MTERF3: variants seen among roughly 807,000 people sequenced by gnomAD.
MTERF3 encodes the protein mitochondrial transcription termination factor 3.
MTERF3 carries 40 observed loss-of-function variants against 40.5 expected under a neutral mutation model. That is an observed-to-expected ratio of 0.99 (90% CI 0.77 to 1.29). The LOEUF (loss-of-function observed/expected upper bound fraction) is 1.29, where lower values mean the gene tolerates loss of function less well. MTERF3 is among the 50% of genes most tolerant of loss of function. The pLI is 0.00. For synonymous variants in MTERF3, 158 were observed against 166.6 expected (o/e 0.95, Z 0.40); for missense variants, 452 against 478.2 (o/e 0.95, Z 0.51).
At position 96,244,037 on chromosome 8, in the gene MTERF3, T is replaced by A. The variant is rs770500814; in HGVS notation, c.941A>T (p.His314Leu). 2 of 1,613,846 alleles carry A rather than the reference T, an allele frequency of 1.2e-6. No individual in the cohort carries two copies. Among genetic ancestry groups the A allele is most frequent in the Non-Finnish European group, 1.7e-6 (2 of 1,179,718 alleles). ...CATCTTTGGGATTCTGGTGATCATA[T>A]GTTGAATTTCGTTATGTTTAAAACC... ...ELGFKHNEIQ[H>L]MITRIPKMLT... The change falls in exon 7 of 8, where the codon CAT becomes CTT. Residue 314 changes from histidine to leucine, a missense_variant. Transcript: ENST00000287025.
chr8:96,255,446 C>T (rs1452469251), intron 3 of MTERF3, among the ~76,000 whole-genome samples: 3 of 152,026 alleles, frequency 2.0e-5, no homozygotes, highest in African/African-American at 7.2e-5. Context: ...CAAGATCAGC[C>T]TGGCCAACAG....
Position 96,258,578 on chromosome 8 carries a change from A to C in MTERF3, c.113T>G (p.Leu38Ter). ...CTGAGGCTGAGCAGAAAAGCCATGT[A>C]ACAGTGTTCTTGCTGGTCTAGTAAA... The part of the protein sequence containing the change: ...KRFTRPARTL[L>*]HGFSAQPQIS... Residue 38 changes from leucine to a stop codon, truncating the protein, a stop_gained, in exon 2 of 8, where the codon TTA becomes TGA. Transcript: ENST00000287025. LOFTEE classifies it high-confidence loss of function. 1 of 1,614,152 alleles carries C rather than the reference A, an allele frequency of 6.2e-7. No individual in the cohort carries two copies. Among genetic ancestry groups the C allele is most frequent in the Non-Finnish European group, 8.5e-7 (1 of 1,179,994 alleles).
At chr8:96,261,463 G>A (rs1047040971) in intron 1 of MTERF3, 38 bp downstream of exon 1, 4 of 152,580 alleles carry the variant, frequency 2.6e-5, no homozygotes, top group African/African-American at 7.2e-5. Flanking sequence ...ACCCTCGCCA[G>A]GAGCGCGATC....
intron 3 of MTERF3, among the ~76,000 whole-genome samples, chr8:96,254,172 T>G (rs943238996): frequency 6.6e-6 from 1 of 152,210 alleles, no homozygotes; most frequent in African/African-American, 2.4e-5. Flanking sequence ...AATTATATGT[T>G]TATGGGATAC....
chr8:96,241,388 G>A (rs1424516199), intron 7 of MTERF3, among the ~76,000 whole-genome samples: 12 of 149,914 alleles, frequency 8.0e-5, no homozygotes, highest in Non-Finnish European at 1.5e-4. Context: ...CCAGCCTGGC[G>A]ACAGAGCCAG....
intron 1 of MTERF3, chr8:96,260,275 T>C (rs968897669): frequency 6.6e-6 from 1 of 152,242 alleles, no homozygotes; most frequent in Non-Finnish European, 1.5e-5. Context: ...TGTTAGATTT[T>C]GGTGGGAAAT....
At chr8:96,240,519 G>C (rs1327584370) in intron 7 of MTERF3, among the ~76,000 whole-genome samples, 1 of 152,160 alleles carries the variant, frequency 6.6e-6, no homozygotes, top group Non-Finnish European at 1.5e-5. Context: ...CTCTGGGAGA[G>C]CAACTAGGGA....
At chr8:96,259,097 G>T (rs192207606) in intron 1 of MTERF3, among the ~76,000 whole-genome samples, 2 of 152,322 alleles carry the variant, frequency 1.3e-5, no homozygotes, top group African/African-American at 4.8e-5. Context: ...TTGAAATTTG[G>T]TGTGAAGGGT....
At chr8:96,252,587 T>C (rs145930176) in intron 3 of MTERF3, among the ~76,000 whole-genome samples, 1 of 152,346 alleles carries the variant, frequency 6.6e-6, no homozygotes, top group South Asian at 2.1e-4. Context: ...TCTTATAATA[T>C]CTGCACTTTT....
intron 4 of MTERF3, among the ~76,000 whole-genome samples, chr8:96,248,091 A>G (rs1810055713): frequency 6.6e-6 from 1 of 152,272 alleles, no homozygotes; most frequent in Non-Finnish European, 1.5e-5. Flanking sequence ...TAAGGATAAC[A>G]GGGAAGCTGG....
In MTERF3 at chr8:96,246,362, C is replaced by T; in HGVS notation, c.770G>A (p.Arg257Lys). The T allele has an allele frequency of 1.2e-6, 2 of 1,612,794 alleles. No individual in the cohort carries two copies. The highest frequency in any genetic ancestry group is 1.1e-5 in the South Asian group (1 of 90,924). Residue 257 changes from arginine (R) to lysine (K), a missense_variant, in exon 5 of 8, where the codon AGA becomes AAA. By Grantham distance (26) the Arg-to-Lys change is conservative. Coordinates refer to ENST00000287025, the MANE Select transcript of MTERF3 (RefSeq NM_015942.5). ...APFLLNFSVERLDNRLGFFQK... is the reference protein window; with the variant it reads ...APFLLNFSVEKLDNRLGFFQK... ...AAAAAATCCCAATCTGTTATCCAGT[C>T]TTTCCACTGAAAAGTTCAGCAAAAA... is the stretch of plus-strand genomic sequence containing the variant.
chr8:96,250,681 A>AAGAAGAAGAAGAAGAAGG (rs1195195158), intron 4 of MTERF3, among the ~76,000 whole-genome samples: 25 of 23,324 alleles, frequency 1.1e-3, no homozygotes, highest in South Asian at 4.7e-3. Flanking sequence ...GAAGAAGAAG[A>AAGAAGAAGAAGAAGAAGG]AGGAGGAGGA....
intron 7 of MTERF3, among the ~76,000 whole-genome samples, chr8:96,242,397 C>T (rs1200229254): frequency 6.6e-6 from 1 of 152,134 alleles, no homozygotes; most frequent in African/African-American, 2.4e-5. Context: ...TTTTAAACAC[C>T]ACTCCCTCTT....
At chr8:96,254,273 T>C (rs1273830482) in intron 3 of MTERF3, among the ~76,000 whole-genome samples, 1 of 152,212 alleles carries the variant, frequency 6.6e-6, no homozygotes, top group Non-Finnish European at 1.5e-5. Flanking sequence ...TGACTTTTTT[T>C]TGTGGTGAGA....
intron 3 of MTERF3, among the ~76,000 whole-genome samples, chr8:96,254,261 C>T (rs1017114142): frequency 2.0e-5 from 3 of 152,158 alleles, no homozygotes; most frequent in Non-Finnish European, 4.4e-5. Context: ...CTTACATATT[C>T]ATGACTTTTT....
chr8:96,259,641 G>A (rs1382349889), intron 1 of MTERF3, among the ~76,000 whole-genome samples: 1 of 152,122 alleles, frequency 6.6e-6, no homozygotes, highest in African/African-American at 2.4e-5. Context: ...GATGGAGTCA[G>A]GATATAAGAA....
At position 96,245,894 on chromosome 8, in the gene MTERF3, G is replaced by A. The variant is rs767808032; in HGVS notation, c.863C>T (p.Thr288Ile). The A allele has an allele frequency of 6.2e-7, 1 of 1,614,022 alleles. No homozygotes were observed. Among genetic ancestry groups the A allele is most frequent in the Admixed American group, 1.7e-5 (1 of 60,016 alleles). The change falls in exon 6 of 8, where the codon ACT becomes ATT. Residue 288 changes from threonine (T) to isoleucine (I), a missense_variant. Physicochemically the swap from Thr to Ile is moderately conservative, Grantham distance 89 (BLOSUM62 -1). Coordinates refer to ENST00000287025, the MANE Select transcript of MTERF3 (RefSeq NM_015942.5). ...DLVVRLPRLL[T>I]GSLEPVKENM... ...TTCTTTCACGGGTTCCAGACTTCCA[G>A]TTAGCAGCCTTGGGAGACGAACTAC...
At chr8:96,259,081 G>T (rs896875032) in intron 1 of MTERF3, among the ~76,000 whole-genome samples, 1 of 152,246 alleles carries the variant, frequency 6.6e-6, no homozygotes, top group Admixed American at 6.5e-5. Context: ...ATGCAAATAA[G>T]TGTTCTTGAA....
chr8:96,251,206 C>A, intron 3 of MTERF3, 111 bp from the exon 4 acceptor site: 1 of 747,900 alleles, frequency 1.3e-6, no homozygotes, highest in Non-Finnish European at 2.0e-6. Context: ...TCCAAAGGAG[C>A]ACTGAGATAG....
Sources: allele counts gnomAD v4.1 joint callset (sites outside exome capture counted in the v4.1 genomes callset), GRCh38; gene constraint gnomAD v4.1.1; transcripts MANE v1.5; gene names NCBI Gene and HGNC (gene_info 2026-07-23, HGNC 2026-07-21).